ATP5MJ: variants seen among roughly 807,000 people sequenced by gnomAD.
ATP5MJ encodes the protein ATP synthase membrane subunit j.
ATP5MJ carries 4 observed loss-of-function variants against 8.3 expected under a neutral mutation model. That is an observed-to-expected ratio of 0.48 (90% CI 0.24 to 1.11). The LOEUF (loss-of-function observed/expected upper bound fraction) is 1.11. Among genes scored for constraint, ATP5MJ ranks in the 50% least tolerant of loss-of-function variants. ATP5MJ has a pLI of 0.18. For synonymous variants in ATP5MJ, 23 were observed against 21.3 expected, an observed-to-expected ratio of 1.08 and a Z score of -0.23; for missense variants, 66 against 71.8, an observed-to-expected ratio of 0.92 and a Z score of 0.29.
chr14:103,913,839 C>T, intron 3 of ATP5MJ, 122 bp downstream of exon 3: 1 of 1,148,532 alleles, frequency 8.7e-7, no homozygotes, highest in Non-Finnish European at 1.3e-6. Context: ...AGCATTTCAA[C>T]TGCACCTTAC....
chr14:103,916,143 C>G (rs1268234557), intron 1 of ATP5MJ, among the ~76,000 whole-genome samples: 2 of 152,142 alleles, frequency 1.3e-5, no homozygotes, highest in African/African-American at 4.8e-5. Flanking sequence ...AACGAGGTCA[C>G]TTCATAATAA....
chr14:103,912,806 G>T, intron 3 of ATP5MJ, 112 bp from the exon 4 acceptor site: 1 of 1,046,916 alleles, frequency 9.6e-7, no homozygotes, highest in South Asian at 1.3e-5. Flanking sequence ...AAAGATAAAT[G>T]ACACCTTTCA....
intron 1 of ATP5MJ, among the ~76,000 whole-genome samples, chr14:103,919,461 A>AT (rs1197403052): frequency 6.6e-6 from 1 of 151,996 alleles, no homozygotes; most frequent in Non-Finnish European, 1.5e-5. Flanking sequence ...GTTCATGGCT[A>AT]TAATTAATAC....
At chr14:103,919,056 A>G (rs2087649579) in intron 1 of ATP5MJ, among the ~76,000 whole-genome samples, 1 of 151,910 alleles carries the variant, frequency 6.6e-6, no homozygotes, top group South Asian at 2.1e-4. Context: ...TAAAGGACCC[A>G]GCCTAGTGCC....
At chr14:103,914,993 A>G in intron 2 of ATP5MJ, 73 bp downstream of exon 2, 1 of 1,593,640 alleles carries the variant, frequency 6.3e-7, no homozygotes, top group Non-Finnish European at 8.6e-7. Context: ...GTTCCTTTAC[A>G]ATGTGAATTG....
At chr14:103,920,869 C>T (rs1210113404) in intron 1 of ATP5MJ, 45 of 1,074,780 alleles carry the variant, frequency 4.2e-5, no homozygotes, top group Non-Finnish European at 4.2e-6. Flanking sequence ...ATTCATAGGC[C>T]AAACGTGTGT....
At chr14:103,916,287 T>G (rs1469059692) in intron 1 of ATP5MJ, among the ~76,000 whole-genome samples, 2 of 152,260 alleles carry the variant, frequency 1.3e-5, no homozygotes, top group African/African-American at 2.4e-5. Flanking sequence ...TAATGCTTTT[T>G]GTTACTTTTA....
In ATP5MJ at chr14:103,915,783, C is replaced by T. The variant is rs376509294; in HGVS notation, c.1-594G>A. Among the ~76,000 whole-genome samples, 47 of 152,074 alleles carry T rather than the reference C, an allele frequency of 3.1e-4. No individual in the cohort carries two copies. In the East Asian group the frequency reaches 3.5e-3, roughly 11 times the overall value. On this transcript the variant is annotated intron_variant, in intron 1 of 3. Transcript: ENST00000286953. ...GGATTACGGTGTGAGCCACAGGGCC[C>T]GGCCTGGGACTCATGCTTTCCACAG...
intron 1 of ATP5MJ, among the ~76,000 whole-genome samples, chr14:103,919,803 G>C (rs2087658038): frequency 1.3e-5 from 2 of 151,446 alleles, no homozygotes; most frequent in South Asian, 4.2e-4. Context: ...CAAGTGACAT[G>C]TTCCCAATAC....
chr14:103,916,496 G>A (rs748704784), intron 1 of ATP5MJ, among the ~76,000 whole-genome samples: 4 of 152,212 alleles, frequency 2.6e-5, no homozygotes, highest in Non-Finnish European at 4.4e-5. Flanking sequence ...GCTTTGGGAG[G>A]CTGATGTGGG....
At chr14:103,914,900 C>A in intron 2 of ATP5MJ, 166 bp downstream of exon 2, 3 of 667,066 alleles carry the variant, frequency 4.5e-6, no homozygotes, top group Non-Finnish European at 7.0e-6. Flanking sequence ...CCCCAAATGT[C>A]TTTTATAGCT....
intron 3 of ATP5MJ, 140 bp from the exon 4 acceptor site, chr14:103,912,834 G>T: frequency 1.2e-6 from 1 of 816,254 alleles, no homozygotes; most frequent in Non-Finnish European, 2.0e-6. Flanking sequence ...TGAAAAGTAG[G>T]ATTATTTCTA....
At chr14:103,920,547 C>T (rs1015876537) in intron 1 of ATP5MJ, among the ~76,000 whole-genome samples, 1 of 149,292 alleles carries the variant, frequency 6.7e-6, no homozygotes, top group Non-Finnish European at 1.5e-5. Flanking sequence ...TCTCGGCTCA[C>T]TGCAACCTCC....
chr14:103,915,330 T>C, intron 1 of ATP5MJ, 141 bp from the exon 2 acceptor site: 1 of 897,248 alleles, frequency 1.1e-6, no homozygotes, highest in Non-Finnish European at 1.7e-6. Flanking sequence ...AGACCCGTTC[T>C]GCACTCACAG....
rs567282982 is a variant in ATP5MJ at position 103,913,830 on chromosome 14, G to A, written c.148+131C>T. 174 of 1,023,362 alleles carry A rather than the reference G, an allele frequency of 1.7e-4. 2 individuals are homozygous for A. In the South Asian group the frequency reaches 2.4e-3, roughly 14 times the overall value. 63.4% of individuals were successfully genotyped at this position (1,023,362 alleles called of 1,614,324 possible). Reference sequence around the variant, plus strand: ...GGCATAGCAAACTTCAAGCTGTGAAGCATTTCAACTGCACCTTACATATAT... The same window carrying A: ...GGCATAGCAAACTTCAAGCTGTGAAACATTTCAACTGCACCTTACATATAT... On this transcript the variant is annotated intron_variant, in intron 3 of 3. Coordinates refer to ENST00000286953, the MANE Select transcript of ATP5MJ (RefSeq NM_004894.3).
In ATP5MJ at chr14:103,919,382, T is replaced by C. The variant is rs1473977257; in HGVS notation, c.-1+2088A>G. On this transcript the variant is annotated intron_variant, in intron 1 of 3. Transcript: ENST00000286953. ...GGCAACAAGACACTCCCCCTTTATCTTAAAAAAAAAAAAAAAAAAAGAATT... is the reference window on the plus strand; with the variant it reads ...GGCAACAAGACACTCCCCCTTTATCCTAAAAAAAAAAAAAAAAAAAGAATT... Among the ~76,000 whole-genome samples the C allele has an allele frequency of 5.6e-5, 5 of 89,820 alleles. No homozygotes were observed. In the Admixed American group the frequency reaches 5.7e-4, roughly 10 times the overall value. 58.9% of individuals were successfully genotyped at this position (89,820 alleles called of 152,430 possible).
intron 1 of ATP5MJ, 200 bp downstream of exon 1, chr14:103,921,270 G>C: frequency 2.0e-6 from 1 of 489,700 alleles, no homozygotes; most frequent in South Asian, 2.4e-5. Flanking sequence ...AGGGAAACGC[G>C]GCGCAGGCCT....
chr14:103,917,967 T>G (rs1412493918), intron 1 of ATP5MJ: 1 of 152,208 alleles, frequency 6.6e-6, no homozygotes, highest in East Asian at 1.9e-4. Flanking sequence ...AGGACTTATT[T>G]AGGCAAGGAT....
In ATP5MJ at chr14:103,912,344, G is replaced by T; in HGVS notation, c.*322C>A. 1 of 318,542 alleles carries T rather than the reference G, an allele frequency of 3.1e-6. No homozygotes were observed. The highest frequency in any genetic ancestry group is 5.1e-5 in the East Asian group (1 of 19,436). 19.7% of individuals were successfully genotyped at this position (318,542 alleles called of 1,614,324 possible). ...ATTGAGCAGTAGAATACAAGTGAGT[G>T]CCTGGATCCTGATCACCAAGTCCTG... On this transcript the variant is annotated 3_prime_UTR_variant, in exon 4 of 4. Transcript: ENST00000286953.
Sources: gnomAD v4.1 joint callset for allele counts (sites outside exome capture counted in the v4.1 genomes callset) on GRCh38, gnomAD v4.1.1 for gene constraint, MANE v1.5 for transcripts, NCBI Gene and HGNC (gene_info 2026-07-23, HGNC 2026-07-21) for gene names.